The following ANO10 variants were observed in gnomAD, a reference collection of about 807,000 sequenced individuals.
ANO10 encodes anoctamin 10, also known as anoctamin-10.
In ANO10, 77 loss-of-function variants were observed where a neutral mutation model predicts 74.7. The ratio of observed to expected loss-of-function variants is 1.03; its 90% CI spans 0.86 to 1.25. ANO10 has a LOEUF of 1.25. Among genes scored for constraint, ANO10 ranks in the 50% most tolerant of loss-of-function variants. The pLI, the probability that ANO10 is intolerant of heterozygous loss-of-function variation, is 0.00. For synonymous variants in ANO10, 279 were observed against 284.9 expected (o/e 0.98, Z 0.21); for missense variants, 721 against 778.1 (o/e 0.93, Z 0.87).
intron 11 of ANO10, among the ~76,000 whole-genome samples, chr3:43,490,075 C>T (rs1407188256): frequency 2.6e-5 from 4 of 152,148 alleles, no homozygotes; most frequent in Non-Finnish European, 5.9e-5. Context: ...TACATCAGGC[C>T]GTTCTCAACG....
chr3:43,566,519 T>TCCCTGAC (rs964129954), intron 7 of ANO10, among the ~76,000 whole-genome samples: 1 of 151,668 alleles, frequency 6.6e-6, no homozygotes, highest in Non-Finnish European at 1.5e-5. Context: ...TTCAAGTGGG[T>TCCCTGAC]CCCTGACCCC....
intron 4 of ANO10, among the ~76,000 whole-genome samples, chr3:43,583,931 C>T (rs2081366564): frequency 6.6e-6 from 1 of 152,156 alleles, no homozygotes; most frequent in South Asian, 2.1e-4. Context: ...TGATAATCAT[C>T]CAATAGACAT....
intron 4 of ANO10, among the ~76,000 whole-genome samples, chr3:43,583,315 G>C (rs1239625636): frequency 6.6e-6 from 1 of 151,954 alleles, no homozygotes; most frequent in African/African-American, 2.4e-5. Flanking sequence ...ACCTTCAAAG[G>C]AAACCATGAT....
intron 1 of ANO10, among the ~76,000 whole-genome samples, chr3:43,629,328 G>A (rs1559376564): frequency 6.6e-6 from 1 of 152,150 alleles, no homozygotes; most frequent in African/African-American, 2.4e-5. Context: ...TACCTATTAG[G>A]ATGAATGCTG....
At chr3:43,615,286 AG>A (rs981842054) in intron 1 of ANO10, among the ~76,000 whole-genome samples, 3 of 152,164 alleles carry the variant, frequency 2.0e-5, no homozygotes, top group Admixed American at 1.3e-4. Flanking sequence ...AGTAGCAAAC[AG>A]GGGAGCTGGG....
chr3:43,547,573 G>T (rs1288455819), intron 11 of ANO10, among the ~76,000 whole-genome samples: 1 of 152,102 alleles, frequency 6.6e-6, no homozygotes, highest in African/African-American at 2.4e-5. Flanking sequence ...TATACAATGT[G>T]AAGAGACAAT....
chr3:43,591,208 C>T (rs762847957), intron 4 of ANO10, among the ~76,000 whole-genome samples: 1 of 152,180 alleles, frequency 6.6e-6, no homozygotes, highest in Non-Finnish European at 1.5e-5. Flanking sequence ...TGCTGTTCGC[C>T]GCAGTTGCAG....
chr3:43,452,593 G>A (rs2074925438), intron 11 of ANO10, among the ~76,000 whole-genome samples: 1 of 152,138 alleles, frequency 6.6e-6, no homozygotes, highest in Admixed American at 6.5e-5. Context: ...GTGGACATTT[G>A]GGTTGTTTCC....
intron 1 of ANO10, chr3:43,690,962 G>T (rs765153342): frequency 6.4e-6 from 10 of 1,558,462 alleles, no homozygotes; most frequent in Non-Finnish European, 8.6e-6. Context: ...CCGGCTTCGA[G>T]ATAAGTCCCG....
chr3:43,374,209 T>G (rs1387199355), intron 12 of ANO10, among the ~76,000 whole-genome samples: 1 of 152,202 alleles, frequency 6.6e-6, no homozygotes, highest in East Asian at 1.9e-4. Flanking sequence ...TTCCTGCATT[T>G]CTAATTGCTC....
chr3:43,489,227 G>A (rs2149110967), intron 11 of ANO10, among the ~76,000 whole-genome samples: 1 of 150,314 alleles, frequency 6.7e-6, no homozygotes, highest in African/African-American at 2.4e-5. Context: ...GCTAGATGAG[G>A]AGTTAGTGGG....
At chr3:43,567,722 C>T (rs1292871485) in intron 7 of ANO10, among the ~76,000 whole-genome samples, 1 of 152,000 alleles carries the variant, frequency 6.6e-6, no homozygotes, top group African/African-American at 2.4e-5. Context: ...CCAGCCACTG[C>T]AAAATCATGC....
chr3:43,638,671 A>C (rs1416673044), intron 1 of ANO10: 1 of 152,258 alleles, frequency 6.6e-6, no homozygotes, highest in Admixed American at 6.5e-5. Context: ...AGGAAGTTAC[A>C]CACCTGCTGT....
intron 12 of ANO10, among the ~76,000 whole-genome samples, chr3:43,402,427 T>C (rs1219498092): frequency 1.8e-4 from 27 of 152,202 alleles, no homozygotes; most frequent in Admixed American, 1.8e-3. Context: ...AAATGATACA[T>C]AATATTACTT....
intron 1 of ANO10, among the ~76,000 whole-genome samples, chr3:43,636,013 TAAAAAAAACA>T (rs757296410): frequency 6.1e-5 from 9 of 147,138 alleles, no homozygotes; most frequent in African/African-American, 1.5e-4. Flanking sequence ...AACAAACAAG[TAAAAAAAACA>T]AAAAAAAACA....
At chr3:43,535,267 CTTTTTTTTTTTT>C (rs71616100) in intron 11 of ANO10, among the ~76,000 whole-genome samples, 17 of 107,876 alleles carry the variant, frequency 1.6e-4, no homozygotes, top group African/African-American at 6.1e-4. Context: ...CCTAGACATT[CTTTTTTTTTTTT>C]TTTTTTTTTG....
intron 6 of ANO10, 117 bp downstream of exon 6, chr3:43,576,575 T>G: frequency 9.1e-7 from 1 of 1,093,324 alleles, no homozygotes; most frequent in Admixed American, 2.0e-5. Flanking sequence ...TATGTCTCTA[T>G]AATGAGCCAA....
intron 1 of ANO10, among the ~76,000 whole-genome samples, chr3:43,652,187 C>G (rs1328090233): frequency 6.6e-6 from 1 of 151,606 alleles, no homozygotes; most frequent in Non-Finnish European, 1.5e-5. Context: ...CCATAATAGC[C>G]AACTATTTTG....
intron 11 of ANO10, among the ~76,000 whole-genome samples, chr3:43,466,468 CA>C (rs1437693034): frequency 6.7e-6 from 1 of 149,664 alleles, no homozygotes; most frequent in Admixed American, 6.6e-5. Context: ...TTGAGACACA[CA>C]TATATGGCAA....
Sources: allele counts gnomAD v4.1 joint callset (sites outside exome capture counted in the v4.1 genomes callset), GRCh38; gene constraint gnomAD v4.1.1; transcripts MANE v1.5; gene names NCBI Gene and HGNC (gene_info 2026-07-23, HGNC 2026-07-21).